The following BBOF1 variants were observed in gnomAD, a reference collection of about 807,000 sequenced individuals.
BBOF1 encodes basal body-orientation factor 1.
Under a neutral mutation model 68.0 loss-of-function variants are expected in BBOF1, and 62 were observed. The observed-to-expected ratio is 0.91, with a 90% CI of 0.74 to 1.13. The LOEUF (loss-of-function observed/expected upper bound fraction) is 1.13, where lower values mean the gene tolerates loss of function less well. Among genes scored for constraint, BBOF1 ranks in the 50% most tolerant of loss-of-function variants. The pLI is 0.00. For missense variants in BBOF1, 534 were observed against 600.1 expected, an observed-to-expected ratio of 0.89 and a Z score of 1.15; for synonymous variants, 208 against 198.8, an observed-to-expected ratio of 1.05 and a Z score of -0.39.
At chr14:74,043,171 T>C (rs928396656) in intron 5 of BBOF1, among the ~76,000 whole-genome samples, 5 of 152,128 alleles carry the variant, frequency 3.3e-5, no homozygotes, top group South Asian at 2.1e-4. Context: ...TCCCAGATCA[T>C]TGGTGTTTGG....
At chr14:74,071,701 A>G (rs1386635039) in intron 9 of BBOF1, 5 of 1,484,636 alleles carry the variant, frequency 3.4e-6, no homozygotes, top group Non-Finnish European at 4.5e-6. Flanking sequence ...TACCCACTGG[A>G]AGATCATTTG....
chr14:74,046,188 C>G, intron 6 of BBOF1, 58 bp downstream of exon 6: 1 of 1,420,232 alleles, frequency 7.0e-7, no homozygotes, highest in East Asian at 2.5e-5. Flanking sequence ...CTTTGCTGGT[C>G]TCTTTTCTTC....
chr14:74,046,184 T>C, intron 6 of BBOF1, 54 bp downstream of exon 6: 1 of 1,453,910 alleles, frequency 6.9e-7, no homozygotes, highest in African/African-American at 1.4e-5. Flanking sequence ...ACCTCTTTGC[T>C]GGTCTCTTTT....
intron 8 of BBOF1, among the ~76,000 whole-genome samples, chr14:74,051,207 G>A (rs925765314): frequency 2.0e-5 from 3 of 151,454 alleles, no homozygotes; most frequent in Non-Finnish European, 2.9e-5. Flanking sequence ...TCACGCCATT[G>A]CACTCCAGCC....
At chr14:74,062,631 T>C (rs1006096590) in intron 11 of BBOF1, among the ~76,000 whole-genome samples, 1 of 152,042 alleles carries the variant, frequency 6.6e-6, no homozygotes, top group Non-Finnish European at 1.5e-5. Flanking sequence ...CCAAAAGCTG[T>C]GACTAATATA....
rs566281819 is a variant in BBOF1 at position 74,033,101 on chromosome 14, T to C, written c.352-927T>C. 2.2e-4 allele frequency among the ~76,000 whole-genome samples: 33 copies of C among 152,282 alleles called. 1 individual carries two copies. The South Asian group carries it at 6.6e-3, about 31-fold the overall frequency. On this transcript the variant is annotated intron_variant, in intron 3 of 11. Coordinates refer to ENST00000394009, the MANE Select transcript of BBOF1 (RefSeq NM_025057.3). ...CCTTTGACTCCTAGCCAATTAATTT[T>C]AACTAGTTTCGGGTATTAGGGTTAT...
chr14:74,064,216 T>G (rs2060415372), intron 11 of BBOF1, among the ~76,000 whole-genome samples: 1 of 150,878 alleles, frequency 6.6e-6, no homozygotes, highest in African/African-American at 2.4e-5. Context: ...GAGAAGTGCT[T>G]GAACCCAGGA....
chr14:74,081,928 C>G (rs1376500547), intron 12 of BBOF1, among the ~76,000 whole-genome samples: 1 of 152,152 alleles, frequency 6.6e-6, no homozygotes, highest in East Asian at 1.9e-4. Context: ...TTTTCTTGCC[C>G]AGGTGCAGCG....
At chr14:74,078,476 C>T in intron 10 of BBOF1, 1 of 263,362 alleles carries the variant, frequency 3.8e-6, no homozygotes, top group Non-Finnish European at 7.6e-6. Context: ...GCCTCAGCCT[C>T]CCAAATAGCT....
At chr14:74,060,713 T>TAATG in intron 11 of BBOF1, 1 of 1,613,582 alleles carries the variant, frequency 6.2e-7, no homozygotes, top group Non-Finnish European at 8.5e-7. Flanking sequence ...CACTGAGAAG[T>TAATG]AATGGTCTTT....
chr14:74,028,198 T>C (rs1218646980), intron 2 of BBOF1, among the ~76,000 whole-genome samples: 1 of 151,884 alleles, frequency 6.6e-6, no homozygotes, highest in East Asian at 1.9e-4. Context: ...TGAAACCCTG[T>C]CTCTACAAAA....
intron 11 of BBOF1, chr14:74,060,816 G>C (rs1464882065): frequency 9.7e-6 from 11 of 1,137,804 alleles, no homozygotes; most frequent in Non-Finnish European, 1.3e-5. Context: ...ATTAGCTTTT[G>C]AAGGAGGTAT....
At chr14:74,062,051 GAA>G (rs369414700) in intron 11 of BBOF1, among the ~76,000 whole-genome samples, 7,095 of 59,066 alleles carry the variant, frequency 0.12, 297 homozygotes, top group Admixed American at 0.15. Context: ...TCTCTACTGG[GAA>G]AAAAAAAAAA....
At chr14:74,035,584 ATTTTTTTTTTTTTTTTTTTTTT>A (rs71460945) in intron 4 of BBOF1, among the ~76,000 whole-genome samples, 1 of 81,392 alleles carries the variant, frequency 1.2e-5, no homozygotes, top group African/African-American at 6.4e-5. Flanking sequence ...CCCCCAGCTA[ATTTTTTTTTTTTTTTTTTTTTT>A]TTTTTTAGTA....
At chr14:74,059,136 G>A in intron 11 of BBOF1, 7 of 165,304 alleles carry the variant, frequency 4.2e-5, no homozygotes, top group South Asian at 1.1e-4. Context: ...AATGGCAGAA[G>A]AAGACTGTCA....
chr14:74,030,095 A>G (rs1380368945), intron 3 of BBOF1, among the ~76,000 whole-genome samples: 8 of 152,220 alleles, frequency 5.3e-5, no homozygotes, highest in Non-Finnish European at 8.8e-5. Flanking sequence ...GTAAGGATCT[A>G]TGATAAAATT....
intron 4 of BBOF1, 49 bp from the exon 5 acceptor site, chr14:74,040,516 C>T: frequency 8.8e-7 from 1 of 1,135,218 alleles, no homozygotes; most frequent in Non-Finnish European, 1.3e-6. Flanking sequence ...TGCTCAATGA[C>T]CCCCATTTTC....
intron 8 of BBOF1, among the ~76,000 whole-genome samples, chr14:74,054,604 C>G (rs1468803160): frequency 6.7e-6 from 1 of 149,778 alleles, no homozygotes; most frequent in East Asian, 2.0e-4. Context: ...ATCTCGAACT[C>G]CTGACCTTGT....
At chr14:74,052,369 G>A (rs531968266) in intron 8 of BBOF1, among the ~76,000 whole-genome samples, 69 of 151,804 alleles carry the variant, frequency 4.5e-4, no homozygotes, top group Non-Finnish European at 7.6e-4. Flanking sequence ...TCATCGGGCT[G>A]GGCGCAGTGG....
Sources: gnomAD v4.1 joint callset for allele counts (sites outside exome capture counted in the v4.1 genomes callset) on GRCh38, gnomAD v4.1.1 for gene constraint, MANE v1.5 for transcripts, NCBI Gene and HGNC (gene_info 2026-07-23, HGNC 2026-07-21) for gene names.